The following CACNA1H variants were observed in gnomAD, a reference collection of about 807,000 sequenced individuals.
CACNA1H encodes the protein calcium voltage-gated channel subunit alpha1 H, also known as voltage-dependent T-type calcium channel subunit alpha-1H.
CACNA1H carries 149 observed loss-of-function variants against 192.5 expected under a neutral mutation model. The observed-to-expected ratio is 0.77, with a 90% CI of 0.68 to 0.89. The LOEUF (loss-of-function observed/expected upper bound fraction) is 0.89. Among genes scored for constraint, CACNA1H ranks in the 40% least tolerant of loss-of-function variants. CACNA1H has a pLI of 0.00. For missense variants in CACNA1H, 4,257 were observed against 3,423.5 expected, an observed-to-expected ratio of 1.24 and a Z score of -6.08; for synonymous variants, 2,202 against 1,475.2, an observed-to-expected ratio of 1.49 and a Z score of -11.29.
intron 2 of CACNA1H, among the ~76,000 whole-genome samples, chr16:1,185,096 A>G (rs953985048): frequency 6.6e-6 from 1 of 152,030 alleles, no homozygotes; most frequent in African/African-American, 2.4e-5. Context: ...CCTGTGCGGG[A>G]CTTTCCGTGT....
At position 1,204,327 on chromosome 16, in the gene CACNA1H, T is replaced by G; in HGVS notation, c.2320T>G (p.Trp774Gly). The change falls in exon 10 of 35, where the codon TGG becomes GGG. Residue 774 changes from tryptophan to glycine, a missense_variant. By Grantham distance (184) the Trp-to-Gly change is radical. Coordinates refer to ENST00000348261, the MANE Select transcript of CACNA1H (RefSeq NM_021098.3). ...GAGGGCAGCCCCGGGCGAGCCAGGC[T>G]GGATGGGCCGCCTCTGGGTTACCTT... ...QQRAAPGEPG[W>G]MGRLWVTFSG... 6.3e-7 allele frequency: 1 copy of G among 1,594,998 alleles called. No homozygotes were observed.
chr16:1,172,684 G>C (rs1220742328), intron 2 of CACNA1H, among the ~76,000 whole-genome samples: 1 of 152,196 alleles, frequency 6.6e-6, no homozygotes, highest in Non-Finnish European at 1.5e-5. Flanking sequence ...CACAGGGGCA[G>C]AGCCACCCGC....
At chr16:1,208,902 A>G in intron 16 of CACNA1H, 130 bp from the exon 17 acceptor site, 1 of 1,005,650 alleles carries the variant, frequency 9.9e-7, no homozygotes, top group East Asian at 3.1e-5. Flanking sequence ...CACAGCCTCC[A>G]CCGTGCCTCC....
intron 2 of CACNA1H, among the ~76,000 whole-genome samples, chr16:1,172,543 G>T (rs898878397): frequency 6.6e-6 from 1 of 152,198 alleles, no homozygotes; most frequent in Non-Finnish European, 1.5e-5. Flanking sequence ...TCTGTGGAGG[G>T]AACCCCGAGG....
Position 1,180,565 on chromosome 16 carries a change from G to A in CACNA1H, c.300-14407G>A, listed in dbSNP as rs1458922729. Among the ~76,000 whole-genome samples the A allele has an allele frequency of 6.6e-6, 1 of 152,138 alleles. No homozygotes were observed. Among genetic ancestry groups the A allele is most frequent in the Non-Finnish European group, 1.5e-5 (1 of 68,006 alleles). On this transcript the variant is annotated intron_variant, in intron 2 of 34. Coordinates refer to ENST00000348261, the MANE Select transcript of CACNA1H (RefSeq NM_021098.3). The surrounding 1 kb of genome is among the most constrained non-coding windows in gnomAD (Gnocchi z 4.4). ...GTCCTGAGCAGGGGCTGCAGTCACAGCCAGGCCGTGGGGGGGCCAGGGAGG... is the reference window on the plus strand; with the variant it reads ...GTCCTGAGCAGGGGCTGCAGTCACAACCAGGCCGTGGGGGGGCCAGGGAGG...
rs1461848475 is a variant in CACNA1H, at chr16:1,204,341, C to T, written c.2334C>T (p.Leu778=). 1 of 1,586,284 alleles carries T rather than the reference C, an allele frequency of 6.3e-7. No individual in the cohort carries two copies. The highest frequency in any genetic ancestry group is 1.3e-5 in the African/African-American group (1 of 74,316). The part of the protein sequence containing the change: ...APGEPGWMGR[L]WVTFSGKLRR... ...GCGAGCCAGGCTGGATGGGCCGCCT[C>T]TGGGTTACCTTCAGCGGCAAGCTGC... The change falls in exon 10 of 35, where the codon CTC becomes CTT. Residue 778 remains leucine, a synonymous_variant. Coordinates refer to ENST00000348261, the MANE Select transcript of CACNA1H (RefSeq NM_021098.3).
rs377029056 is a variant in CACNA1H at position 1,205,215 on chromosome 16, C to G, written c.2553C>G (p.Gly851=). The G allele has an allele frequency of 1.2e-6, 2 of 1,612,866 alleles. No homozygotes were observed. Among genetic ancestry groups the G allele is most frequent in the African/African-American group, 2.7e-5 (2 of 74,928 alleles). The part of the protein sequence containing the change: ...LLKLLACGPL[G]YIRNPYNIFD... ...AGCTGCTGGCCTGCGGCCCTCTGGGCTACATCCGGAACCCGTACAACATCT... is the reference window on the plus strand; with the variant it reads ...AGCTGCTGGCCTGCGGCCCTCTGGGGTACATCCGGAACCCGTACAACATCT... The change falls in exon 11 of 35, where the codon GGC becomes GGG. Residue 851 remains glycine, a synonymous_variant. Transcript: ENST00000348261.
Position 1,206,404 on chromosome 16 carries a change from C to T in CACNA1H, c.2789+115C>T, listed in dbSNP as rs547426626. ...AGCCCTCCCACCAGCAGCCCCAGAG[C>T]ATCTGCAGACACTCGGCCTCTGCTG... On this transcript the variant is annotated intron_variant, in intron 12 of 34. Coordinates refer to ENST00000348261, the MANE Select transcript of CACNA1H (RefSeq NM_021098.3). 1.9e-5 allele frequency: 18 copies of T among 925,464 alleles called. No individual in the cohort carries two copies. In the East Asian group the frequency reaches 4.0e-4, roughly 20 times the overall value. 57.3% of individuals were successfully genotyped at this position (925,464 alleles called of 1,614,324 possible). A position where few individuals can be genotyped will look rare whatever the true frequency, so the allele number is the denominator to read the frequency against.
At chr16:1,168,361 G>T (rs981234567) in intron 2 of CACNA1H, among the ~76,000 whole-genome samples, 2 of 152,006 alleles carry the variant, frequency 1.3e-5, no homozygotes, top group African/African-American at 2.4e-5. Context: ...CATGCAGTCC[G>T]ACCACCCACC....
rs898958342 is a variant in CACNA1H at position 1,200,563 on chromosome 16, A to G, written c.1111A>G (p.Ile371Val). 9 of 1,611,822 alleles carry G rather than the reference A, an allele frequency of 5.6e-6. No individual in the cohort carries two copies. Among genetic ancestry groups the G allele is most frequent in the South Asian group, 1.1e-5 (1 of 91,070 alleles). Residue 371 changes from isoleucine to valine, a missense_variant, in exon 7 of 35, where the codon ATC becomes GTC. Physicochemically the swap from Ile to Val is conservative, Grantham distance 29. Transcript: ENST00000348261. ...FDNIGYAWIAIFQVITLEGWV... is the reference protein window; with the variant it reads ...FDNIGYAWIAVFQVITLEGWV... ...CAACATCGGCTACGCCTGGATTGCC[A>G]TCTTCCAGGTGGGCGGCAAGATGGT... is the stretch of plus-strand genomic sequence containing the variant.
In CACNA1H at chr16:1,220,811, A is replaced by AGCTTCCT; in HGVS notation, c.6880_6886dup (p.Ser2296CysfsTer23). 1 of 1,612,638 alleles carries AGCTTCCT rather than the reference A, an allele frequency of 6.2e-7. No individual in the cohort carries two copies. Among genetic ancestry groups the AGCTTCCT allele is most frequent in the Non-Finnish European group, 8.5e-7 (1 of 1,179,744 alleles). The stretch of plus-strand genomic sequence containing the variant: ...GCCACAGTGTGACCCCAGAATCCAG[A>AGCTTCCT]GCTTCCTCTTCAGGGGCCATAGTGC... On this transcript the variant is annotated frameshift_variant, in exon 35 of 35. Coordinates refer to ENST00000348261, the MANE Select transcript of CACNA1H (RefSeq NM_021098.3). LOFTEE classifies it low-confidence loss of function (END_TRUNC).
chr16:1,168,745 G>A (rs1370847179), intron 2 of CACNA1H, among the ~76,000 whole-genome samples: 2 of 152,116 alleles, frequency 1.3e-5, no homozygotes, highest in Non-Finnish European at 2.9e-5. Context: ...CACTCTGGGT[G>A]CCTTGTCCTA....
At chr16:1,213,129 A>G (rs1407291111) in intron 26 of CACNA1H, among the ~76,000 whole-genome samples, 1 of 152,230 alleles carries the variant, frequency 6.6e-6, no homozygotes, top group Non-Finnish European at 1.5e-5. Context: ...CGCCGACTTC[A>G]GATGGTCTGG....
intron 2 of CACNA1H, among the ~76,000 whole-genome samples, chr16:1,154,993 C>G (rs1028836613): frequency 6.6e-6 from 1 of 152,112 alleles, no homozygotes; most frequent in African/African-American, 2.4e-5. Context: ...GGCCTGGGGA[C>G]GGGTGGAGAG....
In CACNA1H at chr16:1,212,085, A is replaced by C. The variant is rs761247844; in HGVS notation, c.4706A>C (p.Glu1569Ala). The change falls in exon 25 of 35, where the codon GAG becomes GCG. Residue 1569 changes from glutamate to alanine, a missense_variant. Physicochemically the swap from Glu to Ala is moderately radical, Grantham distance 107. Coordinates refer to ENST00000348261, the MANE Select transcript of CACNA1H (RefSeq NM_021098.3). ...HKCRQHQEAEEARRREEKRLR... is the reference protein window; with the variant it reads ...HKCRQHQEAEAARRREEKRLR... ...TGCCGGCAGCACCAGGAGGCGGAGG[A>C]GGCGCGGCGGCGAGAGGAGAAGCGG... The C allele has an allele frequency of 5.0e-6, 8 of 1,612,224 alleles. No individual in the cohort carries two copies. The highest frequency in any genetic ancestry group is 1.7e-5 in the Admixed American group (1 of 60,018).
chr16:1,218,956 C>A lies in CACNA1H; in HGVS notation c.5888-14C>A. ...AGGGGCAGAGCTGCCAGCTTAGATTCTTCCCTGCCCCAGGCTCCGTTGCCT... is the reference window on the plus strand; with the variant it reads ...AGGGGCAGAGCTGCCAGCTTAGATTATTCCCTGCCCCAGGCTCCGTTGCCT... On this transcript the variant is annotated splice_polypyrimidine_tract_variant and intron_variant, in intron 33 of 34. Transcript: ENST00000348261. The A allele has an allele frequency of 6.5e-7, 1 of 1,549,538 alleles. No individual in the cohort carries two copies. Among genetic ancestry groups the A allele is most frequent in the Non-Finnish European group, 8.7e-7 (1 of 1,146,774 alleles).
intron 6 of CACNA1H, 149 bp from the exon 7 acceptor site, chr16:1,200,107 C>A (rs1032290453): frequency 1.2e-5 from 8 of 655,432 alleles, no homozygotes; most frequent in Non-Finnish European, 2.1e-5. Flanking sequence ...CTGACCCTAA[C>A]CGTGCCTCCC....
At chr16:1,189,204 C>G (rs1457209017) in intron 2 of CACNA1H, among the ~76,000 whole-genome samples, 8 of 151,506 alleles carry the variant, frequency 5.3e-5, no homozygotes, top group Non-Finnish European at 1.5e-5. Flanking sequence ...GAGCTGGTGT[C>G]CCTGAAGCGT....
rs118038000 is a variant in CACNA1H, at chr16:1,213,505, G to T, written c.4778-275G>T. Among the ~76,000 whole-genome samples the T allele has an allele frequency of 0.047, 7,154 of 152,134 alleles. 250 individuals are homozygous for T. The highest frequency in any genetic ancestry group is 0.081 in the South Asian group (390 of 4,828). On this transcript the variant is annotated intron_variant, in intron 26 of 34. Transcript: ENST00000348261. ...TGAGGAGGAGGTTAGTCAGTGGCCT[G>T]CCCCGAAGGCCTGCTCCAGCCCAGG... is the stretch of plus-strand genomic sequence containing the variant.
Sources: allele counts gnomAD v4.1 joint callset (sites outside exome capture counted in the v4.1 genomes callset), GRCh38; gene constraint gnomAD v4.1.1; non-coding constraint Gnocchi (gnomAD v3.1); transcripts MANE v1.5; gene names NCBI Gene and HGNC (gene_info 2026-07-23, HGNC 2026-07-21).